Variants in RTN4 observed in about 807,000 individuals in gnomAD.
RTN4 encodes the protein reticulon-4.
A neutral mutation model predicts 90.4 loss-of-function variants in RTN4; 32 were observed. The ratio of observed to expected loss-of-function variants is 0.35; its 90% CI spans 0.27 to 0.48. The LOEUF is 0.48. Ranked by LOEUF, RTN4 falls within the 20% of genes least tolerant of loss-of-function variation. The pLI is 0.99. For missense variants in RTN4, 1,706 were observed against 1,430.2 expected (o/e 1.19, Z -3.11); for synonymous variants, 629 against 552.5 (o/e 1.14, Z -1.94).
chr2:55,062,037 A>G (rs1668305439), intron 2 of RTN4, among the ~76,000 whole-genome samples: 1 of 152,022 alleles, frequency 6.6e-6, no homozygotes, highest in Non-Finnish European at 1.5e-5. Flanking sequence ...AGAGCACGTC[A>G]AGAGCACACG....
upstream of RTN4, chr2:55,050,558 A>T (rs200499432): frequency 3.1e-6 from 1 of 324,272 alleles, no homozygotes; most frequent in Non-Finnish European, 5.6e-6. The surrounding 1 kb of genome is among the most constrained non-coding windows in gnomAD (Gnocchi z 4.6). Flanking sequence ...CTCTCCGCCC[A>T]GTTTGGCGTG....
chr2:55,062,814 A>G (rs951364593), intron 2 of RTN4, among the ~76,000 whole-genome samples: 1 of 152,208 alleles, frequency 6.6e-6, no homozygotes, highest in Non-Finnish European at 1.5e-5. Context: ...TTTAACATCA[A>G]TTGAAAATCC....
chr2:55,044,659 G>C (rs1683294370), intron 1 of RTN4, among the ~76,000 whole-genome samples: 1 of 151,830 alleles, frequency 6.6e-6, no homozygotes, highest in African/African-American at 2.4e-5. Flanking sequence ...AATCCTTTAA[G>C]TTTACAATAA....
chr2:55,094,968 G>C (rs371487001), intron 1 of RTN4, among the ~76,000 whole-genome samples: 8 of 152,212 alleles, frequency 5.3e-5, no homozygotes, highest in Admixed American at 2.6e-4. Context: ...CTCCACACAA[G>C]TCCTCCTCTT....
intron 1 of RTN4, among the ~76,000 whole-genome samples, chr2:55,101,321 A>G (rs985549977): frequency 1.3e-5 from 2 of 152,002 alleles, no homozygotes; most frequent in African/African-American, 4.8e-5. Flanking sequence ...TTGAAAATCA[A>G]TGTTGTTGTA....
chr2:55,067,927 C>A (rs1302457671), intron 2 of RTN4, among the ~76,000 whole-genome samples: 1 of 152,134 alleles, frequency 6.6e-6, no homozygotes, highest in African/African-American at 2.4e-5. Context: ...ATTGCTGAAA[C>A]AATAAATAAT....
chr2:55,115,503 C>G (rs1021794014), upstream of RTN4, among the ~76,000 whole-genome samples: 2 of 152,162 alleles, frequency 1.3e-5, no homozygotes, highest in Non-Finnish European at 2.9e-5. Flanking sequence ...AGAGGAGGCA[C>G]GATTTTGCCC....
intron 5 of RTN4, among the ~76,000 whole-genome samples, chr2:54,977,732 C>T (rs1677754419): frequency 6.6e-6 from 1 of 152,024 alleles, no homozygotes; most frequent in South Asian, 2.1e-4. Flanking sequence ...GTGATTTTTG[C>T]CATACTATTT....
intron 3 of RTN4, among the ~76,000 whole-genome samples, chr2:54,999,176 CTG>C (rs1679673364): frequency 6.6e-6 from 1 of 152,140 alleles, no homozygotes; most frequent in Admixed American, 6.6e-5. Context: ...TGAAAAATGA[CTG>C]TGTGTAATAG....
chr2:55,092,927 T>C (rs1668966695), intron 1 of RTN4, among the ~76,000 whole-genome samples: 1 of 152,266 alleles, frequency 6.6e-6, no homozygotes, highest in Admixed American at 6.5e-5. Flanking sequence ...ATTTTCCCAA[T>C]GGGTAAAACT....
upstream of RTN4, chr2:55,050,548 C>G (rs201153187): frequency 2.9e-6 from 1 of 345,528 alleles, no homozygotes; most frequent in Non-Finnish European, 5.2e-6. The surrounding 1 kb of genome is among the most constrained non-coding windows in gnomAD (Gnocchi z 4.6). Flanking sequence ...GGCCAGCGGA[C>G]TCTCCGCCCA....
intron 1 of RTN4, among the ~76,000 whole-genome samples, chr2:55,081,705 T>C (rs188868329): frequency 6.6e-6 from 1 of 151,776 alleles, no homozygotes; most frequent in Admixed American, 6.6e-5. Flanking sequence ...TCTCAAAAAT[T>C]TTTTTTAATT....
At chr2:55,113,868 G>A (rs1668079589), upstream of RTN4, among the ~76,000 whole-genome samples, 1 of 152,124 alleles carries the variant, frequency 6.6e-6, no homozygotes, top group Admixed American at 6.5e-5. Flanking sequence ...ACTGCTCTTG[G>A]GAATGTTCTC....
chr2:55,103,207 A>C lies in RTN4; in HGVS notation c.-214+9313T>G, dbSNP rs758696843. Among the ~76,000 whole-genome samples the C allele has an allele frequency of 2.0e-5, 3 of 152,156 alleles. No homozygotes were observed. In the South Asian group the frequency reaches 6.2e-4, roughly 32 times the overall value. ...GATGCACCTGGAGAACATTATGCTGAGTGACATAAACCAGAAACAGAAAGA... is the reference window on the plus strand; with the variant it reads ...GATGCACCTGGAGAACATTATGCTGCGTGACATAAACCAGAAACAGAAAGA... On this transcript the variant is annotated intron_variant, in intron 1 of 3. Coordinates refer to the RTN4 transcript ENST00000427710.
intron 2 of RTN4, among the ~76,000 whole-genome samples, chr2:55,064,720 T>C (rs1362280916): frequency 6.6e-6 from 1 of 152,162 alleles, no homozygotes; most frequent in Non-Finnish European, 1.5e-5. Context: ...ACTGTGAAAG[T>C]ACAATAACTT....
At position 55,021,679 on chromosome 2, in the gene RTN4, A is replaced by G. The variant is rs1047496783; in HGVS notation, c.3013+3407T>C. Among the ~76,000 whole-genome samples the G allele has an allele frequency of 4.6e-5, 7 of 152,260 alleles. No individual in the cohort carries two copies. In the South Asian group the frequency reaches 6.2e-4, roughly 14 times the overall value. On this transcript the variant is annotated intron_variant, in intron 3 of 8. Transcript: ENST00000337526. The stretch of plus-strand genomic sequence containing the variant: ...ATATAATCAAGTCAAGAAAATTATT[A>G]AGTTGCAAGGACTTGAGCTAATCCA...
At chr2:55,022,259 G>GTCA (rs1681496278) in intron 3 of RTN4, among the ~76,000 whole-genome samples, 1 of 152,144 alleles carries the variant, frequency 6.6e-6, no homozygotes, top group African/African-American at 2.4e-5. Context: ...TCTTCACCCA[G>GTCA]TCATCACCAA....
At position 55,026,730 on chromosome 2, in the gene RTN4, G is replaced by A. The variant is rs569037947; in HGVS notation, c.1369C>T (p.Arg457Cys). 5.6e-6 allele frequency: 9 copies of A among 1,613,774 alleles called. No homozygotes were observed. The highest frequency in any genetic ancestry group is 2.2e-5 in the East Asian group (1 of 44,864). The stretch of plus-strand genomic sequence containing the variant: ...GCACATGTGATATATGCTCCTGAAC[G>A]ATCCTTTATACCTTCTGGCGTACTG... ...FPSTPEGIKD[R>C]SGAYITCAPF... Residue 457 changes from arginine (R) to cysteine (C), a missense_variant, in exon 3 of 9, where the codon CGT becomes TGT. Coordinates refer to ENST00000337526, the MANE Select transcript of RTN4 (RefSeq NM_020532.5).
At position 55,025,898 on chromosome 2, in the gene RTN4, A is replaced by G. The variant is rs947875821; in HGVS notation, c.2201T>C (p.Leu734Pro). Reference protein sequence around the residue: ...VEQPVPDHSELVEDSSPDSEP... With the variant: ...VEQPVPDHSEPVEDSSPDSEP... ...AGAATCAGGTGAGGAATCTTCAACTAGCTCAGAATGATCAGGCACTGGCTG... is the reference window on the plus strand; with the variant it reads ...AGAATCAGGTGAGGAATCTTCAACTGGCTCAGAATGATCAGGCACTGGCTG... The change falls in exon 3 of 9, where the codon CTA becomes CCA. Residue 734 changes from leucine to proline, a missense_variant. Physicochemically the swap from Leu to Pro is moderately conservative, Grantham distance 98 (BLOSUM62 -3). Transcript: ENST00000337526. 6.2e-7 allele frequency: 1 copy of G among 1,613,796 alleles called. No individual in the cohort carries two copies. Among genetic ancestry groups the G allele is most frequent in the Non-Finnish European group, 8.5e-7 (1 of 1,179,862 alleles).
Sources: gnomAD v4.1 joint callset for allele counts (sites outside exome capture counted in the v4.1 genomes callset) on GRCh38, gnomAD v4.1.1 for gene constraint, Gnocchi (gnomAD v3.1) non-coding constraint, MANE v1.5 for transcripts, NCBI Gene and HGNC (gene_info 2026-07-23, HGNC 2026-07-21) for gene names.